RCHY1: variants seen among roughly 807,000 people sequenced by gnomAD.
The protein encoded by RCHY1 is RING finger and CHY zinc finger domain-containing protein 1.
RCHY1 carries 21 observed loss-of-function variants against 41.6 expected under a neutral mutation model. The observed-to-expected ratio is 0.51, with a 90% CI of 0.36 to 0.73. The LOEUF (loss-of-function observed/expected upper bound fraction) is 0.73. Ranked by LOEUF, RCHY1 falls within the 30% of genes least tolerant of loss-of-function variation. The pLI is 0.00. For synonymous variants in RCHY1, 79 were observed against 102.9 expected (o/e 0.77, Z 1.41); for missense variants, 265 against 325.3 (o/e 0.81, Z 1.43).
At chr4:75,498,152 C>A (rs554060467) in intron 3 of RCHY1, among the ~76,000 whole-genome samples, 2 of 147,556 alleles carry the variant, frequency 1.4e-5, no homozygotes, top group Non-Finnish European at 3.0e-5. Context: ...AAAGAGAAGA[C>A]GTAAGAACTC....
chr4:75,484,077 T>C (rs1285060391), intron 8 of RCHY1, among the ~76,000 whole-genome samples: 3 of 152,206 alleles, frequency 2.0e-5, no homozygotes, highest in Non-Finnish European at 4.4e-5. Flanking sequence ...GGCTGCCTGA[T>C]TCACAAACTG....
chr4:75,499,258 T>C (rs1429796762), intron 3 of RCHY1, among the ~76,000 whole-genome samples: 1 of 152,046 alleles, frequency 6.6e-6, no homozygotes, highest in Non-Finnish European at 1.5e-5. Context: ...GCTTATATCA[T>C]AAAAGACAGG....
chr4:75,495,649 C>T (rs1485261289), intron 3 of RCHY1, among the ~76,000 whole-genome samples: 1 of 151,990 alleles, frequency 6.6e-6, no homozygotes, highest in African/African-American at 2.4e-5. Flanking sequence ...AGGCAAAAAA[C>T]AAGAAGAGCC....
At chr4:75,494,017 G>A (rs1722968055) in intron 4 of RCHY1, 84 bp downstream of exon 4, 1 of 773,826 alleles carries the variant, frequency 1.3e-6, no homozygotes, top group South Asian at 1.8e-5. Context: ...ATGAAAATTA[G>A]CATGCTTCCA....
chr4:75,513,443 A>T (rs1311609244), intron 1 of RCHY1, among the ~76,000 whole-genome samples: 1 of 152,172 alleles, frequency 6.6e-6, no homozygotes, highest in Non-Finnish European at 1.5e-5. Context: ...TCCATTTTAC[A>T]TACGGGGTAG....
intron 1 of RCHY1, among the ~76,000 whole-genome samples, chr4:75,512,514 A>G (rs538326845): frequency 6.6e-6 from 1 of 152,224 alleles, no homozygotes; most frequent in African/African-American, 2.4e-5. Context: ...ATGCCCTTAC[A>G]GTTTTCTCAC....
intron 4 of RCHY1, 49 bp from the exon 5 acceptor site, chr4:75,491,982 T>G: frequency 1.5e-6 from 2 of 1,378,506 alleles, no homozygotes; most frequent in Non-Finnish European, 2.0e-6. Flanking sequence ...TAGATTAAAA[T>G]GTCAGGTATA....
At chr4:75,490,815 T>C in intron 7 of RCHY1, 114 bp from the exon 8 acceptor site, 1 of 716,912 alleles carries the variant, frequency 1.4e-6, no homozygotes, top group Non-Finnish European at 2.2e-6. Context: ...GGCATTTTCC[T>C]CCATTTCAAG....
chr4:75,507,842 G>A (rs988841980), intron 3 of RCHY1, among the ~76,000 whole-genome samples: 11 of 151,952 alleles, frequency 7.2e-5, no homozygotes, highest in Non-Finnish European at 1.3e-4. Context: ...ACACAAAAGA[G>A]CATATACTAT....
At chr4:75,489,853 CACTAAA>C (rs1178318556) in intron 8 of RCHY1, among the ~76,000 whole-genome samples, 1 of 152,186 alleles carries the variant, frequency 6.6e-6, no homozygotes, top group Non-Finnish European at 1.5e-5. Flanking sequence ...TTTCCACCTA[CACTAAA>C]GCTTCTGGAC....
intron 8 of RCHY1, among the ~76,000 whole-genome samples, chr4:75,484,684 G>C (rs1002481585): frequency 6.6e-6 from 1 of 152,138 alleles, no homozygotes. Flanking sequence ...ATTTACAAGT[G>C]TAAGTATTAG....
upstream of RCHY1, chr4:75,514,519 C>T: frequency 3.9e-6 from 2 of 507,020 alleles, no homozygotes; most frequent in East Asian, 3.0e-5. Context: ...TCGCTGCTAA[C>T]GGTAATAACT....
rs529120376 is a variant in RCHY1, at chr4:75,483,802, G to A, written c.658-1136C>T. 1.2e-4 allele frequency among the ~76,000 whole-genome samples: 18 copies of A among 152,104 alleles called. 1 individual carries two copies. Among genetic ancestry groups the A allele is most frequent in the Admixed American group, 1.0e-3 (16 of 15,276 alleles). ...GCTTTGCTACGTGGTTTTTATCCTCGTATGCTGAAGTATCTGAAGATGTTC... is the reference window on the plus strand; with the variant it reads ...GCTTTGCTACGTGGTTTTTATCCTCATATGCTGAAGTATCTGAAGATGTTC... On this transcript the variant is annotated intron_variant, in intron 8 of 8. Transcript: ENST00000324439.
Position 75,514,396 on chromosome 4 carries a change from G to T in RCHY1, c.-110C>A. ...CCTCCCAGCCCCAGCGGCCACTAGC[G>T]ACAATATGGCTCCTAAGCACGTGAC... On this transcript the variant is annotated 5_prime_UTR_variant, in exon 1 of 9. Transcript: ENST00000324439. 4 of 1,268,280 alleles carry T rather than the reference G, an allele frequency of 3.2e-6. No individual in the cohort carries two copies. The highest frequency in any genetic ancestry group is 1.4e-5 in the South Asian group (1 of 69,060). The allele number at this position is 1,268,280 out of a possible 1,614,324, so 78.6% of individuals were successfully genotyped here.
intron 1 of RCHY1, 115 bp downstream of exon 1, chr4:75,514,082 G>T: frequency 1.3e-6 from 2 of 1,481,732 alleles, no homozygotes; most frequent in South Asian, 1.3e-5. Flanking sequence ...GGTGGAAAAG[G>T]TATCCTGAAA....
intron 8 of RCHY1, among the ~76,000 whole-genome samples, chr4:75,488,416 CA>C (rs1722446587): frequency 6.6e-6 from 1 of 152,126 alleles, no homozygotes; most frequent in African/African-American, 2.4e-5. Flanking sequence ...AGGACCCTGA[CA>C]AACTCTCTTA....
chr4:75,490,495 T>A lies in RCHY1; in HGVS notation c.657+86A>T, dbSNP rs187963851. The A allele has an allele frequency of 1.5e-3, 1,405 of 937,606 alleles. 9 individuals carry two copies. The highest frequency in any genetic ancestry group is 7.2e-3 in the South Asian group (393 of 54,670). The allele number at this position is 937,606 out of a possible 1,614,324, so 58.1% of individuals were successfully genotyped here. A position where few individuals can be genotyped will look rare whatever the true frequency, so the allele number is the denominator to read the frequency against. The stretch of plus-strand genomic sequence containing the variant: ...CTGTGTCAAACCAGTATATATATAT[T>A]TTTTTTTTGGCAAATTCAAGCAGGA... On this transcript the variant is annotated intron_variant, in intron 8 of 8. Coordinates refer to ENST00000324439, the MANE Select transcript of RCHY1 (RefSeq NM_015436.4).
In RCHY1 at chr4:75,490,569, G is replaced by GC; in HGVS notation, c.657+11_657+12insG. The GC allele has an allele frequency of 6.2e-7, 1 of 1,601,660 alleles. No homozygotes were observed. Among genetic ancestry groups the GC allele is most frequent in the Non-Finnish European group, 8.5e-7 (1 of 1,175,056 alleles). On this transcript the variant is annotated intron_variant, in intron 8 of 8. Transcript: ENST00000324439. ...AGGAGTCTACAAAGTTTTAAGTATT[G>GC]ATTCTACTCACATCCACAGTCATGT...
chr4:75,508,131 A>C (rs1724504557), intron 3 of RCHY1, among the ~76,000 whole-genome samples: 1 of 152,164 alleles, frequency 6.6e-6, no homozygotes, highest in South Asian at 2.1e-4. Flanking sequence ...AAAGTGATTT[A>C]AAATATTCAA....
Sources: gnomAD v4.1 joint callset for allele counts (sites outside exome capture counted in the v4.1 genomes callset) on GRCh38, gnomAD v4.1.1 for gene constraint, MANE v1.5 for transcripts, NCBI Gene and HGNC (gene_info 2026-07-23, HGNC 2026-07-21) for gene names.